PRMT8: variants seen among roughly 807,000 people sequenced by gnomAD.
The protein encoded by PRMT8 is protein arginine methyltransferase 8, also known as protein arginine N-methyltransferase 8.
Under a neutral mutation model 47.1 loss-of-function variants are expected in PRMT8, and 7 were observed. The observed-to-expected ratio is 0.15, with a 90% CI of 0.08 to 0.28. The LOEUF (loss-of-function observed/expected upper bound fraction) is 0.28. Ranked by LOEUF, PRMT8 falls within the 10% of genes least tolerant of loss-of-function variation. PRMT8 has a pLI of 1.00. For synonymous variants in PRMT8, 188 were observed against 186.5 expected, an observed-to-expected ratio of 1.01 and a Z score of -0.07; for missense variants, 237 against 505.4, an observed-to-expected ratio of 0.47 and a Z score of 5.09.
intron 1 of PRMT8, among the ~76,000 whole-genome samples, chr12:3,507,118 C>CTTT (rs72188443): frequency 2.0e-4 from 24 of 122,554 alleles, no homozygotes; most frequent in East Asian, 4.8e-4. Flanking sequence ...GGTGGCCTTT[C>CTTT]TTTTTTTTTT....
chr12:3,526,358 A>T (rs1303484118), intron 1 of PRMT8, among the ~76,000 whole-genome samples: 1 of 152,152 alleles, frequency 6.6e-6, no homozygotes, highest in Admixed American at 6.5e-5. Flanking sequence ...ATGTGCTTTC[A>T]ATTATTTTGA....
intron 1 of PRMT8, among the ~76,000 whole-genome samples, chr12:3,516,343 G>A (rs775242540): frequency 2.6e-5 from 4 of 152,012 alleles, no homozygotes; most frequent in East Asian, 1.9e-4. Context: ...TCATTCATTC[G>A]TTTGTTCATT....
At chr12:3,553,848 G>T in intron 4 of PRMT8, 134 bp downstream of exon 4, 1 of 805,342 alleles carries the variant, frequency 1.2e-6, no homozygotes, top group Non-Finnish European at 2.1e-6. Context: ...TGAGGCCCCC[G>T]CCAGCAAGAC....
chr12:3,448,879 T>C (rs946192773), intron 1 of PRMT8, among the ~76,000 whole-genome samples: 11 of 152,280 alleles, frequency 7.2e-5, no homozygotes, highest in African/African-American at 2.4e-4. Flanking sequence ...TTTATCCTGA[T>C]GCACTCCTTC....
chr12:3,394,711 T>C (rs1435729338), intron 1 of PRMT8, among the ~76,000 whole-genome samples: 1 of 152,102 alleles, frequency 6.6e-6, no homozygotes, highest in African/African-American at 2.4e-5. Flanking sequence ...GGTATCAGGA[T>C]GATGCTGGCC....
intron 1 of PRMT8, among the ~76,000 whole-genome samples, chr12:3,519,100 T>C (rs1022013934): frequency 1.3e-5 from 2 of 152,148 alleles, no homozygotes; most frequent in East Asian, 1.9e-4. Flanking sequence ...GCTAAATCTT[T>C]GTCATTTTGG....
intron 1 of PRMT8, among the ~76,000 whole-genome samples, chr12:3,531,894 G>C (rs1351457383): frequency 6.6e-6 from 1 of 152,204 alleles, no homozygotes; most frequent in Non-Finnish European, 1.5e-5. Context: ...GGCAGCACCA[G>C]GCTGCCATCT....
chr12:3,461,566 C>T (rs1865041521), intron 1 of PRMT8, among the ~76,000 whole-genome samples: 1 of 152,234 alleles, frequency 6.6e-6, no homozygotes. Flanking sequence ...TTAACGGAAG[C>T]TGCCAACAGC....
chr12:3,441,069 A>T (rs1864796524), intron 1 of PRMT8, among the ~76,000 whole-genome samples: 1 of 152,212 alleles, frequency 6.6e-6, no homozygotes, highest in African/African-American at 2.4e-5. Context: ...GATTATCAAA[A>T]GTTTGATATA....
chr12:3,419,622 C>T (rs908010458), intron 1 of PRMT8, among the ~76,000 whole-genome samples: 1 of 151,714 alleles, frequency 6.6e-6, no homozygotes, highest in African/African-American at 2.4e-5. Flanking sequence ...CACTATTCTC[C>T]ATCCCCGCTA....
intron 2 of PRMT8, 75 bp from the exon 3 acceptor site, chr12:3,549,861 A>G: frequency 1.3e-6 from 2 of 1,554,026 alleles, no homozygotes; most frequent in South Asian, 1.2e-5. Context: ...GGGGTGGTCC[A>G]GGGGCTCATA....
intron 1 of PRMT8, among the ~76,000 whole-genome samples, chr12:3,525,378 G>C (rs933627976): frequency 6.6e-6 from 1 of 152,182 alleles, no homozygotes; most frequent in Non-Finnish European, 1.5e-5. Context: ...GGCCTTGTGG[G>C]TATGCAGAGG....
chr12:3,482,698 T>A (rs897178341), intron 1 of PRMT8, among the ~76,000 whole-genome samples: 7 of 152,158 alleles, frequency 4.6e-5, no homozygotes, highest in Admixed American at 2.0e-4. Flanking sequence ...TTTACACTTG[T>A]ATGTGTGCCT....
At chr12:3,544,676 C>A (rs1388522101) in intron 2 of PRMT8, among the ~76,000 whole-genome samples, 1 of 152,168 alleles carries the variant, frequency 6.6e-6, no homozygotes, top group East Asian at 1.9e-4. Flanking sequence ...CGTGATGAGG[C>A]GGTTCTGGCC....
At chr12:3,482,689 T>G (rs1457589300) in intron 1 of PRMT8, among the ~76,000 whole-genome samples, 1 of 152,154 alleles carries the variant, frequency 6.6e-6, no homozygotes, top group Non-Finnish European at 1.5e-5. Context: ...GGTGTCCTTT[T>G]TACACTTGTA....
chr12:3,568,490 C>G (rs368447700), intron 4 of PRMT8, among the ~76,000 whole-genome samples: 25 of 152,338 alleles, frequency 1.6e-4, no homozygotes, highest in African/African-American at 5.5e-4. Flanking sequence ...CTATGCCAGG[C>G]ACATAGTAAT....
chr12:3,534,814 A>G (rs1177332503), intron 1 of PRMT8, among the ~76,000 whole-genome samples: 1 of 152,240 alleles, frequency 6.6e-6, no homozygotes, highest in Non-Finnish European at 1.5e-5. Flanking sequence ...TGAGCTAACC[A>G]TGGCATCAGT....
intron 1 of PRMT8, among the ~76,000 whole-genome samples, chr12:3,465,290 TATATA>T (rs141085323): frequency 0.39 from 56,897 of 144,174 alleles, 12,965 homozygotes; most frequent in South Asian, 0.57. Flanking sequence ...AAATATATAA[TATATA>T]ATAAAATATA....
At chr12:3,389,362 TACA>T in intron 1 of PRMT8, among the ~76,000 whole-genome samples, 1 of 152,264 alleles carries the variant, frequency 6.6e-6, no homozygotes, top group South Asian at 2.1e-4. Flanking sequence ...TCCCTAAGGT[TACA>T]TTCTCGTCCA....
Sources: gnomAD v4.1 joint callset for allele counts (sites outside exome capture counted in the v4.1 genomes callset) on GRCh38, gnomAD v4.1.1 for gene constraint, MANE v1.5 for transcripts, NCBI Gene and HGNC (gene_info 2026-07-23, HGNC 2026-07-21) for gene names.